Variants in RPP40 observed in about 807,000 individuals in gnomAD.
RPP40 encodes the protein ribonuclease P protein subunit p40.
A neutral mutation model predicts 42.5 loss-of-function variants in RPP40; 30 were observed. That is an observed-to-expected ratio of 0.71 (90% CI 0.53 to 0.96). The LOEUF is 0.96. RPP40 is among the 40% of genes least tolerant of loss of function. The pLI, the probability that RPP40 is intolerant of heterozygous loss-of-function variation, is 0.00. For missense variants in RPP40, 426 were observed against 433.5 expected (o/e 0.98, Z 0.15); for synonymous variants, 173 against 164.0 (o/e 1.05, Z -0.42).
Position 4,999,338 on chromosome 6 carries a change from C to T in RPP40, c.433+471G>A, listed in dbSNP as rs140787593. ...TTTTTGAGATGGACTCTCACTCTGT[C>T]GCCAGGCTGAAGTGCAGTGGTGCGA... On this transcript the variant is annotated intron_variant, in intron 4 of 7. Transcript: ENST00000380051. 6.5e-3 allele frequency among the ~76,000 whole-genome samples: 873 copies of T among 134,294 alleles called. 5 individuals carry two copies. The highest frequency in any genetic ancestry group is 0.023 in the African/African-American group (804 of 34,502). 88.1% of individuals were successfully genotyped at this position (134,294 alleles called of 152,430 possible).
chr6:4,996,302 C>T lies in RPP40; in HGVS notation c.678G>A (p.Glu226=). The T allele has an allele frequency of 1.9e-6, 3 of 1,614,156 alleles. No individual in the cohort carries two copies. Among genetic ancestry groups the T allele is most frequent in the Non-Finnish European group, 2.5e-6 (3 of 1,180,030 alleles). Residue 226 remains glutamate, a synonymous_variant, in exon 6 of 8, where the codon GAG becomes GAA. Coordinates refer to ENST00000380051, the MANE Select transcript of RPP40 (RefSeq NM_006638.4). ...DLQCPVLQSS[E]LEGTPEVSCR... is the part of the protein sequence containing the mutation. ...AGGACACCTCTGGCGTTCCCTCCAGCTCGCTGCTCTGCAGCACTGGGCACT... is the reference window on the plus strand; with the variant it reads ...AGGACACCTCTGGCGTTCCCTCCAGTTCGCTGCTCTGCAGCACTGGGCACT...
downstream of RPP40, among the ~76,000 whole-genome samples, chr6:4,992,123 G>A (rs144789341): frequency 9.9e-5 from 15 of 152,116 alleles, no homozygotes; most frequent in African/African-American, 3.6e-4. Context: ...AGATCACGAG[G>A]TCAGGAGTTC....
At chr6:4,993,290 C>T (rs759736641), downstream of RPP40, among the ~76,000 whole-genome samples, 13 of 152,152 alleles carry the variant, frequency 8.5e-5, no homozygotes, top group African/African-American at 2.4e-4. Flanking sequence ...TTTTCAGTGG[C>T]GTCTAGTCTG....
chr6:4,995,667 T>A (rs1759353050), intron 7 of RPP40, among the ~76,000 whole-genome samples: 1 of 152,166 alleles, frequency 6.6e-6, no homozygotes, highest in South Asian at 2.1e-4. Flanking sequence ...AGCCTTCCTA[T>A]CGAAGAAAGT....
chr6:4,998,910 T>C (rs1447266153), intron 4 of RPP40, 69 bp from the exon 5 acceptor site: 1 of 1,035,720 alleles, frequency 9.7e-7, no homozygotes, highest in East Asian at 3.0e-5. Context: ...GAAAAAGTGT[T>C]ACATTTTTAA....
At chr6:4,999,744 TCAA>T (rs1759494126) in intron 4 of RPP40, 62 bp downstream of exon 4, 2 of 949,772 alleles carry the variant, frequency 2.1e-6, no homozygotes, top group South Asian at 2.9e-5. Flanking sequence ...TAGAGGCAAT[TCAA>T]ACATTTAAAT....
downstream of RPP40, among the ~76,000 whole-genome samples, chr6:4,990,765 G>A (rs1229387527): frequency 6.6e-6 from 1 of 151,640 alleles, no homozygotes; most frequent in Non-Finnish European, 1.5e-5. Flanking sequence ...ACAGGTGCGA[G>A]CCACCACGCC....
intron 1 of RPP40, chr6:5,003,607 C>T (rs1007589942): frequency 2.6e-5 from 9 of 343,520 alleles, no homozygotes; most frequent in African/African-American, 1.7e-4. Context: ...CGGGTTGACA[C>T]GAGTGAGCAG....
chr6:5,000,821 G>A (rs147839271), intron 2 of RPP40, among the ~76,000 whole-genome samples, 190 bp from the exon 3 acceptor site: 1,721 of 151,894 alleles, frequency 0.011, 43 homozygotes, highest in African/African-American at 0.039. Context: ...CAAGCATGCA[G>A]AAGACCAAGC....
chr6:5,003,332 G>A (rs1335383383), intron 1 of RPP40, among the ~76,000 whole-genome samples: 1 of 102,678 alleles, frequency 9.7e-6, no homozygotes, highest in Admixed American at 1.4e-4. Context: ...GGGCGACAGA[G>A]CGAAACTCCG....
At chr6:4,997,645 TCATCCATC>T (rs72424582) in intron 5 of RPP40, among the ~76,000 whole-genome samples, 1 of 151,890 alleles carries the variant, frequency 6.6e-6, no homozygotes, top group African/African-American at 2.4e-5. Context: ...AAATCTCCTC[TCATCCATC>T]CATCCATCCA....
intron 4 of RPP40, among the ~76,000 whole-genome samples, chr6:4,999,559 G>T (rs1233084934): frequency 6.6e-6 from 1 of 151,906 alleles, no homozygotes; most frequent in Non-Finnish European, 1.5e-5. Flanking sequence ...GGCCTGCCAA[G>T]GTTTAACCCG....
rs1407307788 is a variant in RPP40 at position 5,003,366 on chromosome 6, AAG to A, written c.123+512_123+513del. Among the ~76,000 whole-genome samples the A allele has an allele frequency of 3.8e-4, 56 of 147,362 alleles. 9 individuals are homozygous for A. The highest frequency in any genetic ancestry group is 1.2e-3 in the African/African-American group (47 of 38,452). On this transcript the variant is annotated intron_variant, in intron 1 of 7. Coordinates refer to ENST00000380051, the MANE Select transcript of RPP40 (RefSeq NM_006638.4). Reference sequence around the variant, plus strand: ...CGTCTAAAAAAAAAAAAAAAAAAAAAAGGAAAATCAGTCGCTTCCTGGGCCGA... The same window carrying A: ...CGTCTAAAAAAAAAAAAAAAAAAAAAGAAAATCAGTCGCTTCCTGGGCCGA...
intron 5 of RPP40, 91 bp from the exon 6 acceptor site, chr6:4,996,511 G>A: frequency 8.4e-7 from 1 of 1,190,872 alleles, no homozygotes; most frequent in Non-Finnish European, 1.2e-6. Context: ...TCCCATCTGA[G>A]CGGTAAGATT....
chr6:5,003,911 T>C lies in RPP40; in HGVS notation c.92A>G (p.His31Arg). The C allele has an allele frequency of 1.2e-6, 2 of 1,613,784 alleles. No homozygotes were observed. Among genetic ancestry groups the C allele is most frequent in the Non-Finnish European group, 1.7e-6 (2 of 1,179,750 alleles). The change falls in exon 1 of 8, where the codon CAT becomes CGT. Residue 31 changes from histidine (H) to arginine (R), a missense_variant. Physicochemically the swap from His to Arg is conservative, Grantham distance 29. Transcript: ENST00000380051. The stretch of plus-strand genomic sequence containing the variant: ...GTTATAGTAGTGCGTCTGCACAAGA[T>C]GCCGGTGGCGCGACTTGTGGTTGCC... ...NFGNHKSRHR[H>R]LVQTHYYNYR...
At chr6:4,999,133 C>A (rs58598560) in intron 4 of RPP40, among the ~76,000 whole-genome samples, 1 of 125,914 alleles carries the variant, frequency 7.9e-6, no homozygotes, top group Admixed American at 8.4e-5. Flanking sequence ...ATGGATGTGG[C>A]GGCCTTAGCT....
rs61739238 is a variant in RPP40, at chr6:4,996,410, T to C, written c.570A>G (p.Glu190=). ...LLAWHKTGSE[E]STMMSYFSKY... is the part of the protein sequence containing the mutation. ...TGGAAAAATATGACATCATTGTCGA[T>C]TCTTCTGAACCTTAAAAACACACCA... Residue 190 remains glutamate (E), a synonymous_variant, in exon 6 of 8, where the codon GAA becomes GAG. Transcript: ENST00000380051. The C allele has an allele frequency of 2.2e-3, 3,594 of 1,612,932 alleles. 82 individuals carry two copies. The African/African-American group carries it at 0.04, about 18-fold the overall frequency.
At chr6:4,997,601 C>T (rs1759420379) in intron 5 of RPP40, among the ~76,000 whole-genome samples, 1 of 152,232 alleles carries the variant, frequency 6.6e-6, no homozygotes. Context: ...TGGGACTCCT[C>T]AGCCTCCATA....
rs1422287198 is a variant in RPP40 at position 4,997,334 on chromosome 6, GAACAA to G, written c.560-919_560-915del. Among the ~76,000 whole-genome samples, 3 of 152,334 alleles carry G rather than the reference GAACAA, an allele frequency of 2.0e-5. No individual in the cohort carries two copies. The East Asian group carries it at 5.8e-4, about 29-fold the overall frequency. ...ATCTACCCGGCTAGGGCCCCAGGTA[GAACAA>G]AACGTCAGAGGAACAGTGAATTCGC... On this transcript the variant is annotated intron_variant, in intron 5 of 7. Transcript: ENST00000380051.
Sources: allele counts gnomAD v4.1 joint callset (sites outside exome capture counted in the v4.1 genomes callset), GRCh38; gene constraint gnomAD v4.1.1; transcripts MANE v1.5; gene names NCBI Gene and HGNC (gene_info 2026-07-23, HGNC 2026-07-21).